The following AFF2 variants were observed in gnomAD, a reference collection of about 807,000 sequenced individuals.
AFF2 encodes AF4/FMR2 family member 2.
Under a neutral mutation model 76.9 loss-of-function variants are expected in AFF2, and 14 were observed. The observed-to-expected ratio is 0.18, with a 90% confidence interval of 0.12 to 0.28. AFF2 has a LOEUF of 0.28. Among genes scored for constraint, AFF2 ranks in the 10% least tolerant of loss-of-function variants. The pLI is 1.00. For missense variants in AFF2, 868 were observed against 1,001.1 expected (o/e 0.87, Z 1.79); for synonymous variants, 398 against 366.7 (o/e 1.09, Z -0.98).
intron 1 of AFF2, among the ~76,000 whole-genome samples, chrX:148,542,222 G>A (rs1437193583): frequency 3.7e-5 from 4 of 109,204 alleles, no homozygotes; most frequent in Admixed American, 1.0e-4. Flanking sequence ...CTTATAAAAC[G>A]TTTAGCTCAG....
At chrX:148,960,295 T>C (rs2072093917) in intron 12 of AFF2, among the ~76,000 whole-genome samples, 1 of 112,652 alleles carries the variant, frequency 8.9e-6, no homozygotes, top group African/African-American at 3.2e-5. Flanking sequence ...CATGGGACTG[T>C]GCACTTGTGC....
intron 1 of AFF2, among the ~76,000 whole-genome samples, chrX:148,585,276 A>G (rs931678627): frequency 8.9e-6 from 1 of 111,946 alleles, no homozygotes; most frequent in Admixed American, 9.4e-5. Context: ...TGAAAGAGCT[A>G]GAGCCAGACT....
chrX:148,880,424 T>C (rs782251092), intron 7 of AFF2, among the ~76,000 whole-genome samples: 1 of 111,706 alleles, frequency 9.0e-6, no homozygotes, highest in Non-Finnish European at 1.9e-5. Flanking sequence ...GTTTTATTTC[T>C]TTTAGGTTAC....
chrX:148,916,509 C>A (rs1259300197), intron 9 of AFF2, among the ~76,000 whole-genome samples: 2 of 110,399 alleles, frequency 1.8e-5, no homozygotes, highest in African/African-American at 6.6e-5. Flanking sequence ...CGTGCCCGGC[C>A]GGTTTTAACT....
chrX:148,579,841 TTAGAG>T (rs1231323089), intron 1 of AFF2, among the ~76,000 whole-genome samples: 4 of 111,276 alleles, frequency 3.6e-5, no homozygotes, highest in Admixed American at 9.6e-5. Context: ...GAGGATTTCT[TTAGAG>T]TAAATAATTT....
Position 148,995,821 on chromosome X carries a change from C to T in AFF2, c.*4489C>T, listed in dbSNP as rs782633346. 2 of 112,732 alleles carry T rather than the reference C, an allele frequency of 1.8e-5. No individual in the cohort carries two copies. Among genetic ancestry groups the T allele is most frequent in the African/African-American group, 3.2e-5 (1 of 31,017 alleles). The allele number at this position is 112,732 out of a possible 1,213,427, so 9.3% of individuals were successfully genotyped here. A position where few individuals can be genotyped will look rare whatever the true frequency, so the allele number is the denominator to read the frequency against. ...AAGTGAAGGAAGCCTACGTCCAGGC[C>T]CCTGACAGGATGCTGCAGTAGCAAG... is the stretch of plus-strand genomic sequence containing the variant. On this transcript the variant is annotated 3_prime_UTR_variant, in exon 21 of 21. Coordinates refer to ENST00000370460, the MANE Select transcript of AFF2 (RefSeq NM_002025.4).
chrX:148,786,313 A>G (rs2069820691), intron 3 of AFF2, among the ~76,000 whole-genome samples: 1 of 111,366 alleles, frequency 9.0e-6, no homozygotes, highest in Non-Finnish European at 1.9e-5. Flanking sequence ...ACAGGCATTC[A>G]TGTATTTGTC....
At chrX:148,524,117 C>CTGTG (rs1250170373) in intron 1 of AFF2, among the ~76,000 whole-genome samples, 1 of 78,317 alleles carries the variant, frequency 1.3e-5, no homozygotes, top group African/African-American at 4.9e-5. Flanking sequence ...CTCTCTCTCT[C>CTGTG]TCTCTCTGTG....
At chrX:148,809,503 G>T (rs1408136994) in intron 3 of AFF2, among the ~76,000 whole-genome samples, 12 of 111,958 alleles carry the variant, frequency 1.1e-4, no homozygotes, top group Non-Finnish European at 2.3e-4. Context: ...AAAGTGTTTC[G>T]TATAGGCCTT....
chrX:148,779,089 T>C (rs2069707115), intron 3 of AFF2, among the ~76,000 whole-genome samples: 1 of 111,847 alleles, frequency 8.9e-6, no homozygotes, highest in African/African-American at 3.3e-5. Context: ...TCTGCCTTGA[T>C]ATTGTTATTT....
intron 7 of AFF2, among the ~76,000 whole-genome samples, chrX:148,850,067 A>G (rs1364099674): frequency 9.0e-6 from 1 of 111,701 alleles, no homozygotes; most frequent in Non-Finnish European, 1.9e-5. Flanking sequence ...CAGGGCCTGC[A>G]TCCAGATTGT....
chrX:148,952,521 A>C (rs939702034), intron 9 of AFF2, among the ~76,000 whole-genome samples: 6 of 111,735 alleles, frequency 5.4e-5, no homozygotes, highest in Admixed American at 4.7e-4. Context: ...ACAGAGGGAG[A>C]TTAGAACCTT....
chrX:148,511,727 C>T (rs1168921048), intron 1 of AFF2, among the ~76,000 whole-genome samples: 1 of 112,727 alleles, frequency 8.9e-6, no homozygotes, highest in Non-Finnish European at 1.9e-5. Flanking sequence ...CTAACTTTCT[C>T]AAAGTCACAT....
chrX:148,674,816 T>C (rs976283438), intron 3 of AFF2, among the ~76,000 whole-genome samples: 3 of 112,159 alleles, frequency 2.7e-5, no homozygotes, highest in African/African-American at 9.7e-5. Context: ...CCAAACCCAA[T>C]TGACATTCTG....
At chrX:148,668,899 A>C (rs1557258789) in intron 3 of AFF2, among the ~76,000 whole-genome samples, 1 of 112,409 alleles carries the variant, frequency 8.9e-6, no homozygotes, top group African/African-American at 3.2e-5. Flanking sequence ...TCTCCTCAGA[A>C]AATGTGATTT....
intron 7 of AFF2, 84 bp from the exon 8 acceptor site, chrX:148,885,805 A>G: frequency 1.2e-6 from 1 of 822,738 alleles, no homozygotes; most frequent in Admixed American, 2.2e-5. Context: ...TAGCTCCAAT[A>G]CTTTATTCTC....
chrX:148,712,518 T>G (rs1316701923), intron 3 of AFF2, among the ~76,000 whole-genome samples: 2 of 111,970 alleles, frequency 1.8e-5, no homozygotes, highest in Non-Finnish European at 3.8e-5. Flanking sequence ...CTCTTTGGTT[T>G]GGAATCCTTC....
intron 15 of AFF2, among the ~76,000 whole-genome samples, chrX:148,969,114 G>A (rs1268825578): frequency 8.9e-6 from 1 of 112,499 alleles, no homozygotes; most frequent in African/African-American, 3.2e-5. Context: ...GAGAAAAATC[G>A]GTACCACAGA....
At chrX:148,720,618 G>T (rs1466350185) in intron 3 of AFF2, among the ~76,000 whole-genome samples, 1 of 110,759 alleles carries the variant, frequency 9.0e-6, no homozygotes, top group Non-Finnish European at 1.9e-5. Context: ...CACTAATGTT[G>T]CCATCAGTTA....
Sources: gnomAD v4.1 joint callset for allele counts (sites outside exome capture counted in the v4.1 genomes callset) on GRCh38, gnomAD v4.1.1 for gene constraint, MANE v1.5 for transcripts, NCBI Gene and HGNC (gene_info 2026-07-23, HGNC 2026-07-21) for gene names.